The following DCC variants were observed in gnomAD, a reference collection of about 807,000 sequenced individuals.
DCC encodes DCC netrin 1 receptor.
In DCC, 58 loss-of-function variants were observed where a neutral mutation model predicts 172.5. That is an observed-to-expected ratio of 0.34 (90% CI 0.27 to 0.42). DCC has a LOEUF of 0.42. DCC is among the 10% of genes least tolerant of loss of function. DCC has a pLI of 1.00. For missense variants in DCC, 1,740 were observed against 1,791.0 expected (o/e 0.97, Z 0.51); for synonymous variants, 709 against 644.5 (o/e 1.10, Z -1.52).
At chr18:52,540,103 A>G (rs2032396531) in intron 1 of DCC, among the ~76,000 whole-genome samples, 1 of 152,146 alleles carries the variant, frequency 6.6e-6, no homozygotes, top group African/African-American at 2.4e-5. Flanking sequence ...CTTTAAATGT[A>G]CACTCTAGGA....
chr18:52,935,497 A>G (rs927692070), intron 5 of DCC, among the ~76,000 whole-genome samples: 5 of 152,260 alleles, frequency 3.3e-5, no homozygotes, highest in African/African-American at 1.2e-4. Context: ...CCATCAATTC[A>G]GATTTGTTTG....
chr18:52,409,498 C>T (rs988966339), intron 1 of DCC, among the ~76,000 whole-genome samples: 5 of 152,222 alleles, frequency 3.3e-5, no homozygotes, highest in East Asian at 1.9e-4. Context: ...TATTCCCCTT[C>T]GAAAGGCTAC....
chr18:53,335,747 CATACCCGAG>C (rs1429198595), intron 14 of DCC, among the ~76,000 whole-genome samples: 1 of 152,100 alleles, frequency 6.6e-6, no homozygotes, highest in African/African-American at 2.4e-5. Context: ...CTGATAAAGA[CATACCCGAG>C]ACAGGGCAAT....
chr18:52,594,095 C>T (rs550395634), intron 1 of DCC, among the ~76,000 whole-genome samples: 7 of 152,236 alleles, frequency 4.6e-5, no homozygotes, highest in South Asian at 2.1e-4. Context: ...TTCTTTTACT[C>T]GGGATTTGCC....
chr18:53,522,178 T>G (rs541650935), intron 27 of DCC, among the ~76,000 whole-genome samples: 1 of 152,214 alleles, frequency 6.6e-6, no homozygotes, highest in South Asian at 2.1e-4. Context: ...GAATTTCACA[T>G]GCTGGGTTAT....
At chr18:52,977,569 G>T (rs939973399) in intron 5 of DCC, among the ~76,000 whole-genome samples, 1 of 152,040 alleles carries the variant, frequency 6.6e-6, no homozygotes, top group Non-Finnish European at 1.5e-5. Context: ...GTATCCTAGG[G>T]GCTATTAGTG....
intron 9 of DCC, among the ~76,000 whole-genome samples, chr18:53,193,419 C>A (rs1164094583): frequency 6.6e-6 from 1 of 152,098 alleles, no homozygotes; most frequent in South Asian, 2.1e-4. Context: ...TTCCTTTTTG[C>A]CAGATATAAT....
At chr18:52,626,206 CA>C (rs1393336242) in intron 1 of DCC, among the ~76,000 whole-genome samples, 1 of 152,174 alleles carries the variant, frequency 6.6e-6, no homozygotes, top group Non-Finnish European at 1.5e-5. Context: ...ATCCAGAGCA[CA>C]ATTCTTTATT....
chr18:52,948,452 T>A (rs574247837), intron 5 of DCC, among the ~76,000 whole-genome samples: 21 of 152,326 alleles, frequency 1.4e-4, no homozygotes, highest in African/African-American at 4.3e-4. Flanking sequence ...TTATTGAACA[T>A]TAGCTATATA....
At chr18:52,581,210 A>ATCT (rs2033543078) in intron 1 of DCC, among the ~76,000 whole-genome samples, 1 of 3,736 alleles carries the variant, frequency 2.7e-4, no homozygotes, top group Non-Finnish European at 6.5e-4. Context: ...TATCTATCTA[A>ATCT]ATTTGTAGTT....
At chr18:53,298,685 C>T (rs1209364710) in intron 12 of DCC, among the ~76,000 whole-genome samples, 1 of 151,794 alleles carries the variant, frequency 6.6e-6, no homozygotes, top group Non-Finnish European at 1.5e-5. Flanking sequence ...TTATTTTTGA[C>T]TTTAAAAACA....
intron 1 of DCC, among the ~76,000 whole-genome samples, chr18:52,541,110 A>G (rs547311523): frequency 6.6e-6 from 1 of 152,332 alleles, no homozygotes; most frequent in East Asian, 1.9e-4. Context: ...ACAGCTGAGA[A>G]TAAGATGGCT....
intron 25 of DCC, among the ~76,000 whole-genome samples, chr18:53,486,071 T>C (rs980511016): frequency 6.6e-6 from 1 of 152,036 alleles, no homozygotes; most frequent in Non-Finnish European, 1.5e-5. Flanking sequence ...TTGACTACAA[T>C]TGGAATATTT....
At position 53,535,357 on chromosome 18, in the gene DCC, C is replaced by T. The variant is rs1723432622; in HGVS notation, c.*4704C>T. The T allele has an allele frequency of 6.6e-6, 1 of 152,116 alleles. No homozygotes were observed. Among genetic ancestry groups the T allele is most frequent in the Non-Finnish European group, 1.5e-5 (1 of 68,020 alleles). The allele number at this position is 152,116 out of a possible 1,614,324, so 9.4% of individuals were successfully genotyped here. A position where few individuals can be genotyped will look rare whatever the true frequency, so the allele number is the denominator to read the frequency against. On this transcript the variant is annotated 3_prime_UTR_variant, in exon 29 of 29. Transcript: ENST00000442544. ...GCTGAGTATGAAGAGATGTCCAGTC[C>T]AGGCAAAGCCTTCACTGAAGTTCCA...
intron 2 of DCC, among the ~76,000 whole-genome samples, chr18:52,832,008 C>T (rs925151267): frequency 1.2e-4 from 19 of 152,280 alleles, no homozygotes; most frequent in Middle Eastern, 3.4e-3. Context: ...AATTCAGCTT[C>T]GTACCTTCTT....
At chr18:52,825,350 T>G (rs919099314) in intron 2 of DCC, among the ~76,000 whole-genome samples, 1 of 152,258 alleles carries the variant, frequency 6.6e-6, no homozygotes, top group Admixed American at 6.5e-5. Context: ...TACCTTGGTG[T>G]CTGAAAAAAG....
chr18:53,460,035 T>C (rs2045532118), intron 24 of DCC, among the ~76,000 whole-genome samples: 1 of 133,768 alleles, frequency 7.5e-6, no homozygotes, highest in Non-Finnish European at 1.6e-5. Context: ...CTGAAAACTA[T>C]GTTGTTATAC....
chr18:53,228,794 C>T (rs1229283117), intron 12 of DCC, among the ~76,000 whole-genome samples: 1 of 152,098 alleles, frequency 6.6e-6, no homozygotes, highest in Non-Finnish European at 1.5e-5. Context: ...ATAACAATAC[C>T]TTAAACCAGT....
chr18:53,096,861 T>C (rs2043095120), intron 7 of DCC, among the ~76,000 whole-genome samples: 1 of 152,184 alleles, frequency 6.6e-6, no homozygotes. Flanking sequence ...AAAAATATCA[T>C]AACTACTTTA....
Sources: allele counts gnomAD v4.1 joint callset (sites outside exome capture counted in the v4.1 genomes callset), GRCh38; gene constraint gnomAD v4.1.1; transcripts MANE v1.5; gene names NCBI Gene and HGNC (gene_info 2026-07-23, HGNC 2026-07-21).